FILIP1: variants seen among roughly 807,000 people sequenced by gnomAD.
FILIP1 encodes filamin A interacting protein 1.
A neutral mutation model predicts 102.1 loss-of-function variants in FILIP1; 61 were observed. The observed-to-expected ratio is 0.60, with a 90% confidence interval of 0.49 to 0.74. The LOEUF (loss-of-function observed/expected upper bound fraction) is 0.74, where lower values mean the gene tolerates loss of function less well. Ranked by LOEUF, FILIP1 falls within the 30% of genes least tolerant of loss-of-function variation. The pLI is 0.00. For synonymous variants in FILIP1, 491 were observed against 526.9 expected, an observed-to-expected ratio of 0.93 and a Z score of 0.93; for missense variants, 1,314 against 1,441.2, an observed-to-expected ratio of 0.91 and a Z score of 1.43.
intron 4 of FILIP1, among the ~76,000 whole-genome samples, chr6:75,318,190 C>A (rs1317251795): frequency 1.4e-5 from 2 of 147,152 alleles, no homozygotes; most frequent in Admixed American, 6.8e-5. Context: ...TAAGTCAGAA[C>A]TTCTTATAGA....
At position 75,313,197 on chromosome 6, in the gene FILIP1, C is replaced by G. The variant is rs750947467; in HGVS notation, c.2635G>C (p.Gly879Arg). The stretch of plus-strand genomic sequence containing the variant: ...CCTTTCTCCTGAGTGATGGAGGGGC[C>G]GTTTTCCCTCTTTCTCATCCATGGA... ...WIPWMRKREN[G>R]PSITQEKGPR... Residue 879 changes from glycine to arginine, a missense_variant, in exon 5 of 6, where the codon GGC (glycine) becomes CGC (arginine). By Grantham distance (125) the Gly-to-Arg change is moderately radical (BLOSUM62 -2). Around this residue, in one of 3 missense-constraint regions of FILIP1, gnomAD observed 816 missense variants for 913.1 expected, o/e 0.89. Transcript: ENST00000237172. The surrounding 1 kb of genome is among the most constrained non-coding windows in gnomAD (Gnocchi z 4.2). The G allele has an allele frequency of 6.2e-7, 1 of 1,614,116 alleles. No individual in the cohort carries two copies. The highest frequency in any genetic ancestry group is 1.3e-5 in the African/African-American group (1 of 75,000).
At chr6:75,425,791 C>T (rs1777607276) in intron 1 of FILIP1, among the ~76,000 whole-genome samples, 1 of 152,142 alleles carries the variant, frequency 6.6e-6, no homozygotes. Context: ...GCCTGTTCTA[C>T]TCTCCATATG....
intron 4 of FILIP1, among the ~76,000 whole-genome samples, chr6:75,335,905 T>C (rs914273080): frequency 6.6e-6 from 1 of 152,218 alleles, no homozygotes; most frequent in Non-Finnish European, 1.5e-5. Flanking sequence ...GTCTAACCTC[T>C]CAATAGCCTG....
chr6:75,460,358 G>A, intron 1 of FILIP1, among the ~76,000 whole-genome samples: 1 of 152,086 alleles, frequency 6.6e-6, no homozygotes, highest in East Asian at 1.9e-4. Context: ...AAGGTATTCG[G>A]CTCTTAATAC....
intron 2 of FILIP1, among the ~76,000 whole-genome samples, chr6:75,377,066 G>A (rs887978932): frequency 1.1e-4 from 16 of 151,832 alleles, no homozygotes; most frequent in African/African-American, 3.6e-4. Context: ...TCATGCTGAA[G>A]GTAAATATTG....
At chr6:75,459,365 A>G (rs992795972) in intron 1 of FILIP1, among the ~76,000 whole-genome samples, 6 of 152,202 alleles carry the variant, frequency 3.9e-5, no homozygotes, top group African/African-American at 1.4e-4. Flanking sequence ...TGGACTATAG[A>G]GGAGTAATTG....
At chr6:75,493,269 T>A (rs918099644) in intron 1 of FILIP1, 145 bp downstream of exon 1, 10 of 152,220 alleles carry the variant, frequency 6.6e-5, no homozygotes, top group African/African-American at 2.4e-4. Context: ...TAATTCACAA[T>A]GGTTATCGTA....
chr6:75,445,057 T>C (rs1203360073), intron 1 of FILIP1, among the ~76,000 whole-genome samples: 1 of 152,160 alleles, frequency 6.6e-6, no homozygotes, highest in Non-Finnish European at 1.5e-5. Context: ...GAAATAGAGC[T>C]GTAGTAGGCT....
Position 75,319,825 on chromosome 6 carries a change from G to A in FILIP1, c.630-4623C>T, listed in dbSNP as rs574091529. On this transcript the variant is annotated intron_variant, in intron 4 of 5. Coordinates refer to ENST00000237172, the MANE Select transcript of FILIP1 (RefSeq NM_015687.5). ...AGCCTGGGCAACAGAGCAAGACTCC[G>A]TCCCCCAAAAAAAAAAAGAAAAGAA... 9.9e-5 allele frequency: 26 copies of A among 261,436 alleles called. No individual in the cohort carries two copies. In the East Asian group the frequency reaches 1.4e-3, roughly 14 times the overall value. 16.2% of individuals were successfully genotyped at this position (261,436 alleles called of 1,614,324 possible).
intron 1 of FILIP1, among the ~76,000 whole-genome samples, chr6:75,450,117 T>A (rs533539870): frequency 9.2e-5 from 14 of 151,966 alleles, no homozygotes; most frequent in South Asian, 2.1e-4. Context: ...TTTTTAAAAA[T>A]TTTTTTTGGT....
intron 1 of FILIP1, among the ~76,000 whole-genome samples, chr6:75,477,461 T>C (rs1402512388): frequency 6.6e-6 from 1 of 152,124 alleles, no homozygotes. Context: ...TGATGAATAT[T>C]AATTAGCCTG....
At chr6:75,328,293 G>C (rs973894765) in intron 4 of FILIP1, among the ~76,000 whole-genome samples, 1 of 152,058 alleles carries the variant, frequency 6.6e-6, no homozygotes, top group Non-Finnish European at 1.5e-5. Context: ...TTTTTTAGAA[G>C]TACATATTGA....
rs371322616 is a variant in FILIP1 at position 75,394,484 on chromosome 6, G to T, written c.276+20213C>A. Among the ~76,000 whole-genome samples, 4 of 152,108 alleles carry T rather than the reference G, an allele frequency of 2.6e-5. No homozygotes were observed. The East Asian group carries it at 5.8e-4, about 22-fold the overall frequency. Reference sequence around the variant, plus strand: ...CTGCATAACAAAAAGTGCCAAAAGTGAAGTCAAAATAAAAATAATGAGATA... The same window carrying T: ...CTGCATAACAAAAAGTGCCAAAAGTTAAGTCAAAATAAAAATAATGAGATA... On this transcript the variant is annotated intron_variant, in intron 2 of 5. Transcript: ENST00000237172.
At chr6:75,354,084 A>G (rs1774904655) in intron 3 of FILIP1, among the ~76,000 whole-genome samples, 1 of 152,206 alleles carries the variant, frequency 6.6e-6, no homozygotes, top group Admixed American at 6.5e-5. Flanking sequence ...ATATTCTAAT[A>G]CATGTCCTTT....
At chr6:75,297,653 GTAC>G (rs1772719471) in intron 6 of FILIP1, among the ~76,000 whole-genome samples, 1 of 151,814 alleles carries the variant, frequency 6.6e-6, no homozygotes, top group East Asian at 1.9e-4. Context: ...ACAATTTTAA[GTAC>G]TAATTAATAT....
intron 4 of FILIP1, among the ~76,000 whole-genome samples, chr6:75,337,776 T>C (rs888002912): frequency 2.6e-5 from 4 of 152,140 alleles, no homozygotes; most frequent in Non-Finnish European, 5.9e-5. Flanking sequence ...GGGAATAACA[T>C]AATCCAAAAC....
At chr6:75,322,904 G>A (rs892366753) in intron 4 of FILIP1, among the ~76,000 whole-genome samples, 12 of 152,236 alleles carry the variant, frequency 7.9e-5, no homozygotes, top group African/African-American at 2.6e-4. Flanking sequence ...ATCTCGGCCA[G>A]GCTGGTCTAA....
At chr6:75,342,991 A>G (rs1384141598) in intron 4 of FILIP1, among the ~76,000 whole-genome samples, 4 of 152,186 alleles carry the variant, frequency 2.6e-5, no homozygotes, top group Non-Finnish European at 5.9e-5. Flanking sequence ...CCCAAAATCC[A>G]TATGCTGAAG....
At chr6:75,351,344 C>G (rs1199054984) in intron 4 of FILIP1, among the ~76,000 whole-genome samples, 1 of 152,086 alleles carries the variant, frequency 6.6e-6, no homozygotes, top group South Asian at 2.1e-4. Context: ...ATTACAGGTG[C>G]GAGCCACATG....
Sources: gnomAD v4.1 joint callset for allele counts (sites outside exome capture counted in the v4.1 genomes callset) on GRCh38, gnomAD v4.1.1 for gene constraint, gnomAD v4.1.1 regional missense constraint, Gnocchi (gnomAD v3.1) non-coding constraint, MANE v1.5 for transcripts, NCBI Gene and HGNC (gene_info 2026-07-23, HGNC 2026-07-21) for gene names.